ULK4: variants seen among roughly 807,000 people sequenced by gnomAD.
ULK4 encodes the protein unc-51 like kinase 4.
Under a neutral mutation model 160.6 loss-of-function variants are expected in ULK4, and 133 were observed. The ratio of observed to expected loss-of-function variants is 0.83; its 90% confidence interval spans 0.72 to 0.96. The LOEUF is 0.96. Among genes scored for constraint, ULK4 ranks in the 40% least tolerant of loss-of-function variants. The pLI, the probability that ULK4 is intolerant of heterozygous loss-of-function variation, is 0.00. For synonymous variants in ULK4, 534 were observed against 539.8 expected (o/e 0.99, Z 0.15); for missense variants, 1,580 against 1,499.5 (o/e 1.05, Z -0.89).
At chr3:41,912,328 C>CAA (rs1223106095) in intron 9 of ULK4, among the ~76,000 whole-genome samples, 14,938 of 87,924 alleles carry the variant, frequency 0.17, 989 homozygotes, top group Middle Eastern at 0.33. Context: ...GACGTTGTCT[C>CAA]AAAAAAAAAA....
At chr3:41,370,441 C>G (rs1476040188) in intron 35 of ULK4, among the ~76,000 whole-genome samples, 1 of 152,152 alleles carries the variant, frequency 6.6e-6, no homozygotes, top group African/African-American at 2.4e-5. Flanking sequence ...ACATTTCCAA[C>G]TGAGGTACTC....
intron 32 of ULK4, among the ~76,000 whole-genome samples, chr3:41,502,702 A>T (rs1034385329): frequency 1.3e-5 from 2 of 152,254 alleles, no homozygotes; most frequent in African/African-American, 2.4e-5. Flanking sequence ...AAATGTTTAC[A>T]TATTGTATGA....
intron 32 of ULK4, among the ~76,000 whole-genome samples, chr3:41,497,875 A>G (rs1015798241): frequency 1.3e-5 from 2 of 152,150 alleles, no homozygotes; most frequent in African/African-American, 4.8e-5. Context: ...CCTGGGCAAC[A>G]TAGACTCCAT....
At chr3:41,955,008 A>G (rs577179737) in intron 1 of ULK4, among the ~76,000 whole-genome samples, 4 of 152,278 alleles carry the variant, frequency 2.6e-5, no homozygotes, top group South Asian at 2.1e-4. Flanking sequence ...ATAAAACTTC[A>G]CAGCCGGCGC....
intron 35 of ULK4, among the ~76,000 whole-genome samples, chr3:41,292,084 C>T (rs2079577445): frequency 6.6e-6 from 1 of 152,068 alleles, no homozygotes; most frequent in African/African-American, 2.4e-5. Context: ...CCGCCTGCCT[C>T]AGCCTCCCAA....
chr3:41,602,450 G>T (rs894454068), intron 31 of ULK4, among the ~76,000 whole-genome samples: 1 of 151,740 alleles, frequency 6.6e-6, no homozygotes, highest in Non-Finnish European at 1.5e-5. Context: ...AGAGAAAGAG[G>T]AAGAAAGACA....
In ULK4 at chr3:41,715,302, T is replaced by C; in HGVS notation, c.2578-9A>G. On this transcript the variant is annotated splice_polypyrimidine_tract_variant and intron_variant, in intron 24 of 36. Transcript: ENST00000301831. ...ACTTGAGGTCGAAATACCTGTGTGATGAGAGTTTCTACAGATTAAATTCTG... is the reference window on the plus strand; with the variant it reads ...ACTTGAGGTCGAAATACCTGTGTGACGAGAGTTTCTACAGATTAAATTCTG... 6.2e-7 allele frequency: 1 copy of C among 1,613,848 alleles called. No individual in the cohort carries two copies. The highest frequency in any genetic ancestry group is 8.5e-7 in the Non-Finnish European group (1 of 1,179,942).
intron 3 of ULK4, 50 bp downstream of exon 3, chr3:41,938,048 G>GTT: frequency 7.4e-7 from 1 of 1,360,204 alleles, no homozygotes; most frequent in Admixed American, 2.2e-5. Flanking sequence ...TTAACAGCAT[G>GTT]TTTTTTTTCA....
chr3:41,462,155 A>T (rs1333932893), intron 33 of ULK4, among the ~76,000 whole-genome samples: 1 of 152,196 alleles, frequency 6.6e-6, no homozygotes, highest in Non-Finnish European at 1.5e-5. Context: ...TAAATACTTG[A>T]CCAGCTTAAC....
chr3:41,448,127 C>T (rs1008130938), intron 34 of ULK4, among the ~76,000 whole-genome samples: 4 of 152,086 alleles, frequency 2.6e-5, no homozygotes, highest in Non-Finnish European at 5.9e-5. Flanking sequence ...TGAAGCAAAC[C>T]GATATGGCTC....
chr3:41,506,767 A>AAAAAAAAAAAAAAAAAAAAAAAAAAT lies in ULK4; in HGVS notation c.3227-43515_3227-43514insATTTTTTTTTTTTTTTTTTTTTTTTT. Among the ~76,000 whole-genome samples the AAAAAAAAAAAAAAAAAAAAAAAAAAT allele has an allele frequency of 3.7e-4, 21 of 56,790 alleles. 1 individual carries two copies. Among genetic ancestry groups the AAAAAAAAAAAAAAAAAAAAAAAAAAT allele is most frequent in the Non-Finnish European group, 4.4e-4 (14 of 31,982 alleles). The allele number at this position is 56,790 out of a possible 152,430, so 37.3% of individuals were successfully genotyped here. A position where few individuals can be genotyped will look rare whatever the true frequency, so the allele number is the denominator to read the frequency against. ...AGCAATACACTGGAGTGTGATTTAA[A>AAAAAAAAAAAAAAAAAAAAAAAAAAT]ATATATATATATATATATATATATA... On this transcript the variant is annotated intron_variant, in intron 32 of 36. Coordinates refer to ENST00000301831, the MANE Select transcript of ULK4 (RefSeq NM_017886.4).
intron 30 of ULK4, among the ~76,000 whole-genome samples, chr3:41,619,680 G>A (rs990875032): frequency 2.6e-5 from 4 of 151,814 alleles, no homozygotes; most frequent in Non-Finnish European, 5.9e-5. Context: ...ATCTAAAATC[G>A]ACACCCTAAC....
chr3:41,585,754 T>G (rs2030748518), intron 31 of ULK4, among the ~76,000 whole-genome samples: 1 of 152,192 alleles, frequency 6.6e-6, no homozygotes, highest in Admixed American at 6.5e-5. Flanking sequence ...AGAGAAAATT[T>G]GTGCAAATCG....
intron 19 of ULK4, among the ~76,000 whole-genome samples, chr3:41,808,766 C>T (rs1295871314): frequency 1.1e-4 from 17 of 152,232 alleles, no homozygotes; most frequent in Admixed American, 1.1e-3. Flanking sequence ...AGCCTTGCCT[C>T]TCATTTTTTT....
intron 34 of ULK4, among the ~76,000 whole-genome samples, chr3:41,407,702 G>A (rs1394760467): frequency 6.6e-6 from 1 of 152,136 alleles, no homozygotes; most frequent in Non-Finnish European, 1.5e-5. Flanking sequence ...ATTAGGAACA[G>A]AAGGGAACTT....
At chr3:41,661,539 GATAA>G (rs1486459254) in intron 30 of ULK4, among the ~76,000 whole-genome samples, 95 of 151,720 alleles carry the variant, frequency 6.3e-4, no homozygotes, top group African/African-American at 2.2e-3. Context: ...TAAATAGATA[GATAA>G]ATAGATAGAT....
chr3:41,719,186 G>A (rs2037371047), intron 22 of ULK4, among the ~76,000 whole-genome samples: 1 of 152,066 alleles, frequency 6.6e-6, no homozygotes. Context: ...AGTTTCTCTG[G>A]TTGTTCCTTC....
intron 21 of ULK4, among the ~76,000 whole-genome samples, chr3:41,756,398 A>C (rs749644378): frequency 5.9e-5 from 9 of 152,244 alleles, no homozygotes; most frequent in Non-Finnish European, 8.8e-5. Context: ...TTACACAACC[A>C]TTAAAAAGAG....
chr3:41,618,057 G>A (rs2033063981), intron 30 of ULK4, among the ~76,000 whole-genome samples: 1 of 152,088 alleles, frequency 6.6e-6, no homozygotes, highest in Non-Finnish European at 1.5e-5. Flanking sequence ...AATAAGGCAT[G>A]AAGAAAAGAT....
Sources: gnomAD v4.1 joint callset for allele counts (sites outside exome capture counted in the v4.1 genomes callset) on GRCh38, gnomAD v4.1.1 for gene constraint, MANE v1.5 for transcripts, NCBI Gene and HGNC (gene_info 2026-07-23, HGNC 2026-07-21) for gene names.